Variants in SELENOO observed in about 807,000 individuals in gnomAD.
The protein encoded by SELENOO is selenoprotein O.
A neutral mutation model predicts 58.7 loss-of-function variants in SELENOO; 74 were observed. The ratio of observed to expected loss-of-function variants is 1.26; its 90% confidence interval spans 1.04 to 1.53. The LOEUF is 1.53. Ranked by LOEUF, SELENOO falls within the 40% of genes most tolerant of loss-of-function variation. SELENOO has a pLI of 0.00. For missense variants in SELENOO, 1,149 were observed against 970.0 expected (o/e 1.18, Z -2.45); for synonymous variants, 543 against 453.2 (o/e 1.20, Z -2.52).
chr22:50,206,363 C>G lies in SELENOO; in HGVS notation c.601C>G (p.Leu201Val), dbSNP rs1210678643. 1.2e-6 allele frequency: 2 copies of G among 1,614,120 alleles called. No homozygotes were observed. The highest frequency in any genetic ancestry group is 2.2e-5 in the South Asian group (2 of 91,082). ...CCTACGGTCAAGCATCCGGGAGTTT[C>G]TATGCAGCGAAGCCATGTTCCACCT... ...KVLRSSIREF[L>V]CSEAMFHLGV... The change falls in exon 2 of 9, where the codon CTA becomes GTA. Residue 201 changes from leucine (L) to valine (V), a missense_variant. Physicochemically the swap from Leu to Val is conservative, Grantham distance 32. Coordinates refer to ENST00000380903, the MANE Select transcript of SELENOO (RefSeq NM_031454.2).
At chr22:50,210,557 C>T in intron 4 of SELENOO, 74 bp from the exon 5 acceptor site, 9 of 1,598,148 alleles carry the variant, frequency 5.6e-6, no homozygotes, top group South Asian at 2.2e-5. Context: ...CTGGGCCTCC[C>T]CTCCAGGGTG....
At position 50,210,613 on chromosome 22, in the gene SELENOO, T is replaced by C; in HGVS notation, c.1071-18T>C. 1.2e-6 allele frequency: 2 copies of C among 1,612,798 alleles called. No individual in the cohort carries two copies. The highest frequency in any genetic ancestry group is 8.5e-7 in the Non-Finnish European group (1 of 1,179,802). On this transcript the variant is annotated intron_variant, in intron 4 of 8. Transcript: ENST00000380903. The stretch of plus-strand genomic sequence containing the variant: ...CTTCCTCTCAGGCAGGGCGTGGCTC[T>C]CTTGCCCCGTGTGGCAGGTACGACC...
chr22:50,217,585 C>T lies in SELENOO; in HGVS notation c.*216C>T. 2.1e-6 allele frequency: 2 copies of T among 973,060 alleles called. No individual in the cohort carries two copies. The highest frequency in any genetic ancestry group is 1.7e-5 in the South Asian group (1 of 58,710). 60.3% of individuals were successfully genotyped at this position (973,060 alleles called of 1,614,324 possible). A position where few individuals can be genotyped will look rare whatever the true frequency, so the allele number is the denominator to read the frequency against. On this transcript the variant is annotated 3_prime_UTR_variant, in exon 9 of 9. Coordinates refer to ENST00000380903, the MANE Select transcript of SELENOO (RefSeq NM_031454.2). ...CAGCCTGGTCCCTGGGGGCTGGACC[C>T]AGGCTCCTAAATAAACCAGCAACTC...
chr22:50,201,972 C>T (rs2064304740), intron 1 of SELENOO, among the ~76,000 whole-genome samples: 1 of 152,346 alleles, frequency 6.6e-6, no homozygotes, highest in Non-Finnish European at 1.5e-5. Context: ...AGGCCTGGCC[C>T]TGACTTCCCT....
At chr22:50,202,206 G>A (rs1320368034) in intron 1 of SELENOO, among the ~76,000 whole-genome samples, 1 of 102,436 alleles carries the variant, frequency 9.8e-6, no homozygotes, top group Non-Finnish European at 2.1e-5. Flanking sequence ...CTGCTTTTGT[G>A]AATGACTAGG....
At chr22:50,215,999 T>G (rs2294402) in intron 6 of SELENOO, 132 bp downstream of exon 6, 312,412 of 722,078 alleles carry the variant, frequency 0.43, 69,379 homozygotes, top group African/African-American at 0.6. Flanking sequence ...CAGGGACAGA[T>G]TCAGTCAGGG....
At chr22:50,212,795 C>T (rs1408346137) in intron 5 of SELENOO, among the ~76,000 whole-genome samples, 2 of 150,634 alleles carry the variant, frequency 1.3e-5, no homozygotes, top group Non-Finnish European at 3.0e-5. Flanking sequence ...CTGTTGTCTC[C>T]CTCTAATCTT....
chr22:50,217,088 A>G lies in SELENOO; in HGVS notation c.1805A>G (p.Gln602Arg), dbSNP rs367648323. 1.2e-6 allele frequency: 2 copies of G among 1,613,032 alleles called. No homozygotes were observed. Among genetic ancestry groups the G allele is most frequent in the African/African-American group, 1.3e-5 (1 of 75,060 alleles). ...TACGTGCTGAGGAACTACATCGCGCAGAATGCCATCGAGGCTGCCGAGCGC... is the reference window on the plus strand; with the variant it reads ...TACGTGCTGAGGAACTACATCGCGCGGAATGCCATCGAGGCTGCCGAGCGC... ...PKYVLRNYIAQNAIEAAERGD... is the reference protein window; with the variant it reads ...PKYVLRNYIARNAIEAAERGD... The change falls in exon 8 of 9, where the codon CAG becomes CGG. Residue 602 changes from glutamine (Q) to arginine (R), a missense_variant. Gln to Arg is a conservative substitution (Grantham distance 43). Coordinates refer to ENST00000380903, the MANE Select transcript of SELENOO (RefSeq NM_031454.2).
intron 5 of SELENOO, among the ~76,000 whole-genome samples, chr22:50,213,317 A>G (rs906269817): frequency 4.6e-5 from 7 of 152,074 alleles, no homozygotes; most frequent in South Asian, 2.1e-4. Context: ...TCAGCCTCCC[A>G]AAGTGCTGGG....
rs547442037 is a variant in SELENOO, at chr22:50,201,983, G to C, written c.554+393G>C. Among the ~76,000 whole-genome samples the C allele has an allele frequency of 7.9e-5, 12 of 152,312 alleles. No individual in the cohort carries two copies. The South Asian group carries it at 1.9e-3, about 24-fold the overall frequency. On this transcript the variant is annotated intron_variant, in intron 1 of 8. Coordinates refer to ENST00000380903, the MANE Select transcript of SELENOO (RefSeq NM_031454.2). Reference sequence around the variant, plus strand: ...ACGGAGGCCTGGCCCTGACTTCCCTGCGGGCAGCCCTTTTTAACCCCGAAG... The same window carrying C: ...ACGGAGGCCTGGCCCTGACTTCCCTCCGGGCAGCCCTTTTTAACCCCGAAG...
At chr22:50,214,131 C>A (rs553093180) in intron 5 of SELENOO, among the ~76,000 whole-genome samples, 1 of 152,292 alleles carries the variant, frequency 6.6e-6, no homozygotes, top group Non-Finnish European at 1.5e-5. Context: ...ATATATAATG[C>A]TGTCTCTTGT....
chr22:50,203,519 G>A (rs1233527576), intron 1 of SELENOO, among the ~76,000 whole-genome samples: 1 of 152,226 alleles, frequency 6.6e-6, no homozygotes, highest in African/African-American at 2.4e-5. Context: ...TTGGCATAAG[G>A]ATAGACATAG....
chr22:50,208,788 C>G, intron 3 of SELENOO, 72 bp downstream of exon 3: 2 of 1,445,548 alleles, frequency 1.4e-6, no homozygotes, highest in South Asian at 2.5e-5. Flanking sequence ...AAGACACCCT[C>G]ATTTTGGCCG....
rs771831354 is a variant in SELENOO at position 50,217,072 on chromosome 22, A to G, written c.1789A>G (p.Arg597Gly). Residue 597 changes from arginine to glycine, a missense_variant, in exon 8 of 9, where the codon AGG becomes GGG. Physicochemically the swap from Arg to Gly is moderately radical, Grantham distance 125. Transcript: ENST00000380903. Reference sequence around the variant, plus strand: ...CGCCAACAACCCGAAGTACGTGCTGAGGAACTACATCGCGCAGAATGCCAT... The same window carrying G: ...CGCCAACAACCCGAAGTACGTGCTGGGGAACTACATCGCGCAGAATGCCAT... ...MHANNPKYVL[R>G]NYIAQNAIEA... 6.2e-7 allele frequency: 1 copy of G among 1,612,972 alleles called. No homozygotes were observed. Among genetic ancestry groups the G allele is most frequent in the Non-Finnish European group, 8.5e-7 (1 of 1,179,972 alleles).
chr22:50,216,696 T>G lies in SELENOO; in HGVS notation c.1508T>G (p.Leu503Arg), dbSNP rs2064415545. The G allele has an allele frequency of 6.3e-7, 1 of 1,589,940 alleles. No homozygotes were observed. Among genetic ancestry groups the G allele is most frequent in the Non-Finnish European group, 8.5e-7 (1 of 1,171,882 alleles). ...AFRPQMDPRQ[L>R]SMMLMLAQSN... ...ACACCCTGGCCTCTCCACAGGCAGC[T>G]ATCCATGATGCTGATGCTGGCGCAG... The change falls in exon 7 of 9, where the codon CTA becomes CGA. Residue 503 changes from leucine to arginine, a missense_variant. Coordinates refer to ENST00000380903, the MANE Select transcript of SELENOO (RefSeq NM_031454.2).
chr22:50,215,806 A>AT lies in SELENOO; in HGVS notation c.1442dup (p.Met481IlefsTer77), dbSNP rs753910265. The AT allele has an allele frequency of 2.3e-5, 37 of 1,611,654 alleles. No homozygotes were observed. Among genetic ancestry groups the AT allele is most frequent in the Non-Finnish European group, 3.1e-5 (36 of 1,179,252 alleles). ...CCTGGCGGAATTCCTGGCCAGGCTG[A>AT]TGGAGCAGTGTGCCTCCCTGGAGGA... On this transcript the variant is annotated frameshift_variant, in exon 6 of 9. Transcript: ENST00000380903. LOFTEE classifies it high-confidence loss of function.
intron 2 of SELENOO, 157 bp from the exon 3 acceptor site, chr22:50,208,379 G>A (rs540487547): frequency 6.6e-5 from 40 of 606,892 alleles, no homozygotes; most frequent in African/African-American, 6.0e-4. Flanking sequence ...GTGGTGAGGC[G>A]AGATCGCGCC....
intron 5 of SELENOO, among the ~76,000 whole-genome samples, chr22:50,213,567 G>A (rs1227563958): frequency 6.6e-6 from 1 of 152,020 alleles, no homozygotes; most frequent in East Asian, 1.9e-4. Context: ...CTGGGTGGAG[G>A]GTTCCGTGTA....
At chr22:50,207,482 C>T (rs777009792) in intron 2 of SELENOO, among the ~76,000 whole-genome samples, 1 of 151,950 alleles carries the variant, frequency 6.6e-6, no homozygotes, top group Non-Finnish European at 1.5e-5. Flanking sequence ...TCCTCCTGAA[C>T]ACCTGAATGT....
Sources: allele counts gnomAD v4.1 joint callset (sites outside exome capture counted in the v4.1 genomes callset), GRCh38; gene constraint gnomAD v4.1.1; transcripts MANE v1.5; gene names NCBI Gene and HGNC (gene_info 2026-07-23, HGNC 2026-07-21).